EPS15: variants seen among roughly 807,000 people sequenced by gnomAD.
EPS15 encodes the protein epidermal growth factor receptor substrate 15.
In EPS15, 72 loss-of-function variants were observed where a neutral mutation model predicts 113.8. That is an observed-to-expected ratio of 0.63 (90% confidence interval 0.52 to 0.77). The LOEUF is 0.77. Among genes scored for constraint, EPS15 ranks in the 30% least tolerant of loss-of-function variants. The probability of loss-of-function intolerance (pLI) is 0.00; values close to 1 mark genes in which losing one functional copy is unlikely to be tolerated. For missense variants in EPS15, 1,048 were observed against 1,045.8 expected (o/e 1.00, Z -0.03); for synonymous variants, 344 against 363.4 (o/e 0.95, Z 0.61).
intron 17 of EPS15, 98 bp from the exon 18 acceptor site, chr1:51,402,623 C>T: frequency 1.6e-6 from 1 of 630,372 alleles, no homozygotes; most frequent in East Asian, 3.2e-5. Context: ...CATACACATG[C>T]TTTGAAAAAT....
At chr1:51,371,284 G>A (rs1479891597) in intron 21 of EPS15, among the ~76,000 whole-genome samples, 1 of 152,058 alleles carries the variant, frequency 6.6e-6, no homozygotes, top group African/African-American at 2.4e-5. Flanking sequence ...CCTCAGGCAG[G>A]TCCTTCAGGA....
intron 8 of EPS15, among the ~76,000 whole-genome samples, chr1:51,454,484 T>C (rs2148491319): frequency 6.6e-6 from 1 of 152,356 alleles, no homozygotes; most frequent in East Asian, 1.9e-4. Flanking sequence ...GGATATCATG[T>C]ACCCCCAATA....
chr1:51,377,569 T>C (rs945968336), intron 21 of EPS15, among the ~76,000 whole-genome samples: 8 of 152,186 alleles, frequency 5.3e-5, no homozygotes, highest in African/African-American at 1.4e-4. Flanking sequence ...GCTGTGAACA[T>C]TGTTAAAATG....
In EPS15 at chr1:51,408,979, T is replaced by C. The variant is rs1004685088; in HGVS notation, c.1275+556A>G. 3.9e-5 allele frequency among the ~76,000 whole-genome samples: 6 copies of C among 152,256 alleles called. No homozygotes were observed. The East Asian group carries it at 1.2e-3, about 29-fold the overall frequency. ...CGCCCTGGCTAATTTTTTGTATTTT[T>C]AGTAGAGACGGGGTTTCACCGTGGT... On this transcript the variant is annotated intron_variant, in intron 14 of 24. Coordinates refer to ENST00000371733, the MANE Select transcript of EPS15 (RefSeq NM_001981.3).
Position 51,398,586 on chromosome 1 carries a change from T to C in EPS15, c.2052+446A>G, listed in dbSNP as rs150912472. On this transcript the variant is annotated intron_variant, in intron 20 of 24. Coordinates refer to ENST00000371733, the MANE Select transcript of EPS15 (RefSeq NM_001981.3). ...TAGGTATGTACATTCTCAAGAGAGC[T>C]TGACATTTAGTGAGAATTTGTACTT... Among the ~76,000 whole-genome samples, 25 of 152,360 alleles carry C rather than the reference T, an allele frequency of 1.6e-4. No homozygotes were observed. In the East Asian group the frequency reaches 4.0e-3, roughly 25 times the overall value.
At chr1:51,474,077 A>T (rs1006555173) in intron 2 of EPS15, among the ~76,000 whole-genome samples, 1 of 152,236 alleles carries the variant, frequency 6.6e-6, no homozygotes, top group Non-Finnish European at 1.5e-5. Context: ...ACTCTTATGA[A>T]ATCATTATGT....
rs1246295792 is a variant in EPS15, at chr1:51,482,484, T to TA, written c.34-1171dup. 6.6e-5 allele frequency among the ~76,000 whole-genome samples: 10 copies of TA among 151,050 alleles called. No individual in the cohort carries two copies. The South Asian group carries it at 1.5e-3, about 22-fold the overall frequency. ...AAGGGTTTCATCTGCCATTGTAGAG[T>TA]AAAAAAAAATGAAGTCGCCCAGGCT... On this transcript the variant is annotated intron_variant, in intron 1 of 24. Transcript: ENST00000371733.
chr1:51,440,650 AC>A lies in EPS15; in HGVS notation c.955-219del, dbSNP rs372318844. Among the ~76,000 whole-genome samples the A allele has an allele frequency of 2.8e-4, 42 of 152,050 alleles. No individual in the cohort carries two copies. In the East Asian group the frequency reaches 4.6e-3, roughly 17 times the overall value. ...TACATTTCCCTTAAATTCTCCGAAAACTGTTATTCTATACTATGTACCCCAT... is the reference window on the plus strand; with the variant it reads ...TACATTTCCCTTAAATTCTCCGAAAATGTTATTCTATACTATGTACCCCAT... On this transcript the variant is annotated intron_variant, in intron 11 of 24. Transcript: ENST00000371733.
intron 8 of EPS15, among the ~76,000 whole-genome samples, chr1:51,459,577 C>A (rs1347074491): frequency 1.1e-4 from 17 of 152,028 alleles, no homozygotes; most frequent in Admixed American, 1.0e-3. Context: ...AACAGAAATA[C>A]TGCCATATCC....
intron 8 of EPS15, 126 bp from the exon 9 acceptor site, chr1:51,448,261 G>A (rs1171631954): frequency 2.0e-6 from 1 of 503,378 alleles, no homozygotes; most frequent in Non-Finnish European, 3.5e-6. Flanking sequence ...ATTGGGCTGG[G>A]AGGGAAAGAA....
chr1:51,409,729 C>A (rs370182373), intron 13 of EPS15, 33 bp from the exon 14 acceptor site: 7 of 1,497,824 alleles, frequency 4.7e-6, no homozygotes, highest in South Asian at 2.4e-5. Flanking sequence ...TATTTATTTT[C>A]TTTGCGGGCA....
intron 1 of EPS15, among the ~76,000 whole-genome samples, chr1:51,514,653 G>A (rs1056748269): frequency 5.3e-5 from 8 of 152,066 alleles, no homozygotes; most frequent in South Asian, 2.1e-4. Flanking sequence ...TCTATTACAC[G>A]TTAGTCTGTT....
rs369248752 is a variant in EPS15 at position 51,405,213 on chromosome 1, G to A, written c.1677+692C>T. Among the ~76,000 whole-genome samples the A allele has an allele frequency of 3.3e-5, 5 of 152,214 alleles. No individual in the cohort carries two copies. In the East Asian group the frequency reaches 9.7e-4, roughly 29 times the overall value. ...GTAGGCTGCTTGAAGGAAAGACTGA[G>A]GTCTCTTGTCTCTGTAGCTCTTATA... On this transcript the variant is annotated intron_variant, in intron 16 of 24. Transcript: ENST00000371733.
At chr1:51,509,376 AAATT>A (rs1379429834) in intron 1 of EPS15, among the ~76,000 whole-genome samples, 2 of 152,184 alleles carry the variant, frequency 1.3e-5, no homozygotes, top group Non-Finnish European at 2.9e-5. Flanking sequence ...CATTTCATAA[AAATT>A]AATGGCTCAT....
At chr1:51,371,434 CTCA>C (rs1311345599) in intron 21 of EPS15, among the ~76,000 whole-genome samples, 1 of 150,754 alleles carries the variant, frequency 6.6e-6, no homozygotes, top group Admixed American at 6.6e-5. Flanking sequence ...CAGGCCTAGG[CTCA>C]TGTTTGTTTG....
chr1:51,421,943 C>A, intron 12 of EPS15, 85 bp from the exon 13 acceptor site: 1 of 1,571,854 alleles, frequency 6.4e-7, no homozygotes, highest in Non-Finnish European at 8.7e-7. Context: ...TCCTGAATCG[C>A]TTTTTAAATA....
At chr1:51,497,273 G>A (rs1487501081) in intron 1 of EPS15, among the ~76,000 whole-genome samples, 1 of 152,062 alleles carries the variant, frequency 6.6e-6, no homozygotes, top group Middle Eastern at 3.2e-3. Context: ...CAGTCAGCTA[G>A]CAAATTTCTT....
chr1:51,374,121 C>T (rs1334771783), intron 21 of EPS15, among the ~76,000 whole-genome samples: 1 of 152,188 alleles, frequency 6.6e-6, no homozygotes, highest in African/African-American at 2.4e-5. Context: ...GGGTATTTTA[C>T]TCCTGCTGGA....
intron 1 of EPS15, 106 bp downstream of exon 1, chr1:51,519,093 A>C (rs1644792326): frequency 1.3e-6 from 1 of 752,102 alleles, no homozygotes; most frequent in Admixed American, 4.1e-5. Context: ...CCCACAAGCC[A>C]AGAAGCTGCC....
Sources: gnomAD v4.1 joint callset for allele counts (sites outside exome capture counted in the v4.1 genomes callset) on GRCh38, gnomAD v4.1.1 for gene constraint, MANE v1.5 for transcripts, NCBI Gene and HGNC (gene_info 2026-07-23, HGNC 2026-07-21) for gene names.